Variants in EEF1AKMT2 observed in about 807,000 individuals in gnomAD.
EEF1AKMT2 encodes the protein eukaryotic translation elongation factor 1 alpha lysine methyltransferase 2.
EEF1AKMT2 carries 32 observed loss-of-function variants against 35.8 expected under a neutral mutation model. The observed-to-expected ratio is 0.89, with a 90% confidence interval of 0.67 to 1.20. The LOEUF (loss-of-function observed/expected upper bound fraction) is 1.20, where lower values mean the gene tolerates loss of function less well. Ranked by LOEUF, EEF1AKMT2 falls within the 50% of genes most tolerant of loss-of-function variation. The pLI is 0.00. For synonymous variants in EEF1AKMT2, 121 were observed against 133.7 expected (o/e 0.91, Z 0.65); for missense variants, 330 against 347.5 (o/e 0.95, Z 0.40).
chr10:124,786,532 A>G (rs1168633057), intron 3 of EEF1AKMT2, among the ~76,000 whole-genome samples: 3 of 150,744 alleles, frequency 2.0e-5, no homozygotes, highest in Non-Finnish European at 4.4e-5. Context: ...AGTTCAGGCC[A>G]GGCAGAGTGG....
At chr10:124,787,749 G>A (rs1950599435) in intron 3 of EEF1AKMT2, among the ~76,000 whole-genome samples, 1 of 150,852 alleles carries the variant, frequency 6.6e-6, no homozygotes, top group Non-Finnish European at 1.5e-5. Flanking sequence ...AAAAAAAAAA[G>A]GAAGAAAGGA....
At chr10:124,785,165 T>C (rs931835148) in intron 3 of EEF1AKMT2, among the ~76,000 whole-genome samples, 1 of 140,558 alleles carries the variant, frequency 7.1e-6, no homozygotes, top group African/African-American at 2.8e-5. Context: ...AAGAATCACT[T>C]GAAACCAGGA....
At chr10:124,779,235 G>A (rs1250351421) in intron 3 of EEF1AKMT2, among the ~76,000 whole-genome samples, 3 of 152,022 alleles carry the variant, frequency 2.0e-5, no homozygotes, top group East Asian at 1.9e-4. Flanking sequence ...AGGCTCAAGC[G>A]ATTCTCCCAC....
intron 4 of EEF1AKMT2, among the ~76,000 whole-genome samples, chr10:124,770,652 C>T (rs1950424870): frequency 6.6e-6 from 1 of 151,822 alleles, no homozygotes; most frequent in Non-Finnish European, 1.5e-5. Flanking sequence ...CTCTGGAGTA[C>T]ATGATATTGT....
chr10:124,791,791 C>CCGCCACCGCAG lies in EEF1AKMT2; in HGVS notation c.32_42dup (p.Ala15LeufsTer55), dbSNP rs1045618430. On this transcript the variant is annotated frameshift_variant, in exon 1 of 7. Coordinates refer to ENST00000368836, the MANE Select transcript of EEF1AKMT2 (RefSeq NM_212554.4). LOFTEE classifies it high-confidence loss of function. ...CCGGGACTGCCCTTGTCCGACCGCG[C>CCGCCACCGCAG]CGCCACCGCAGCGCCACCGCCGCCG... The CCGCCACCGCAG allele has an allele frequency of 1.9e-6, 3 of 1,591,858 alleles. No individual in the cohort carries two copies. The highest frequency in any genetic ancestry group is 2.7e-5 in the African/African-American group (2 of 74,518).
At chr10:124,790,247 A>G in intron 2 of EEF1AKMT2, 26 bp downstream of exon 2, 1 of 1,541,222 alleles carries the variant, frequency 6.5e-7, no homozygotes, top group Non-Finnish European at 9.0e-7. Context: ...CTTCTAGATT[A>G]TAACTTGATT....
intron 5 of EEF1AKMT2, among the ~76,000 whole-genome samples, chr10:124,763,930 G>C (rs1337680916): frequency 5.3e-5 from 8 of 152,042 alleles, no homozygotes; most frequent in Admixed American, 3.3e-4. Flanking sequence ...TGAAAGAAAA[G>C]ACAATAAATC....
chr10:124,790,404 T>C, intron 1 of EEF1AKMT2, 66 bp from the exon 2 acceptor site: 1 of 1,117,960 alleles, frequency 8.9e-7, no homozygotes, highest in Non-Finnish European at 1.4e-6. Context: ...TAAATGTATG[T>C]TTCTAATACA....
At chr10:124,786,190 T>G (rs1207338542) in intron 3 of EEF1AKMT2, among the ~76,000 whole-genome samples, 2 of 151,998 alleles carry the variant, frequency 1.3e-5, no homozygotes, top group East Asian at 3.9e-4. Flanking sequence ...ATGCTCACCT[T>G]TCTACATAAA....
At chr10:124,774,244 G>A (rs928247510) in intron 4 of EEF1AKMT2, among the ~76,000 whole-genome samples, 2 of 151,816 alleles carry the variant, frequency 1.3e-5, no homozygotes, top group Non-Finnish European at 2.9e-5. Flanking sequence ...GCAGGCGCCT[G>A]TAGTCCCAGC....
intron 3 of EEF1AKMT2, among the ~76,000 whole-genome samples, chr10:124,776,108 A>T (rs1189280366): frequency 1.3e-5 from 2 of 151,916 alleles, no homozygotes; most frequent in African/African-American, 4.8e-5. Context: ...TTTTTAGTAG[A>T]GATGGGGTTT....
At chr10:124,757,128 G>A (rs965954148), downstream of EEF1AKMT2, among the ~76,000 whole-genome samples, 5 of 150,792 alleles carry the variant, frequency 3.3e-5, no homozygotes, top group South Asian at 2.1e-4. Context: ...TGAAATGTAC[G>A]AGACAAGACT....
At chr10:124,762,233 A>G in intron 6 of EEF1AKMT2, 67 bp downstream of exon 6, 1 of 1,034,340 alleles carries the variant, frequency 9.7e-7, no homozygotes, top group South Asian at 2.6e-5. Context: ...GTGTTTTCCT[A>G]AACTATGAAA....
At chr10:124,784,988 C>A (rs1248545126) in intron 3 of EEF1AKMT2, among the ~76,000 whole-genome samples, 1 of 150,794 alleles carries the variant, frequency 6.6e-6, no homozygotes, top group East Asian at 1.9e-4. Flanking sequence ...GTGGCTCACC[C>A]CTGCACCCCC....
At chr10:124,767,833 A>G (rs925651717) in intron 4 of EEF1AKMT2, among the ~76,000 whole-genome samples, 31 of 152,054 alleles carry the variant, frequency 2.0e-4, no homozygotes, top group South Asian at 6.2e-4. Flanking sequence ...TAAAAATACA[A>G]AAATTAGCTG....
At chr10:124,788,710 T>C (rs1373096605) in intron 3 of EEF1AKMT2, among the ~76,000 whole-genome samples, 1 of 92,500 alleles carries the variant, frequency 1.1e-5, no homozygotes, top group Non-Finnish European at 2.4e-5. Flanking sequence ...AAGGTCATCT[T>C]TATATATATA....
intron 4 of EEF1AKMT2, among the ~76,000 whole-genome samples, chr10:124,771,323 T>A (rs1200736833): frequency 6.6e-6 from 1 of 151,576 alleles, no homozygotes; most frequent in South Asian, 2.1e-4. Context: ...ATGGTCTTGA[T>A]CTCCTGACCT....
chr10:124,787,637 A>T (rs1360814908), intron 3 of EEF1AKMT2, among the ~76,000 whole-genome samples: 1 of 151,960 alleles, frequency 6.6e-6, no homozygotes, highest in African/African-American at 2.4e-5. Flanking sequence ...TACAAAAAAA[A>T]TCAAAATATG....
chr10:124,782,512 G>A (rs1038647755), intron 3 of EEF1AKMT2, among the ~76,000 whole-genome samples: 1 of 149,798 alleles, frequency 6.7e-6, no homozygotes, highest in African/African-American at 2.5e-5. Context: ...AACCTGGGAG[G>A]CGGAGCTTGC....
Sources: gnomAD v4.1 joint callset for allele counts (sites outside exome capture counted in the v4.1 genomes callset) on GRCh38, gnomAD v4.1.1 for gene constraint, MANE v1.5 for transcripts, NCBI Gene and HGNC (gene_info 2026-07-23, HGNC 2026-07-21) for gene names.